Variants in LRBA observed in about 807,000 individuals in gnomAD.
The protein encoded by LRBA is lipopolysaccharide-responsive and beige-like anchor protein.
A neutral mutation model predicts 330.0 loss-of-function variants in LRBA; 176 were observed. The observed-to-expected ratio is 0.53, with a 90% CI of 0.47 to 0.60. The LOEUF (loss-of-function observed/expected upper bound fraction) is 0.60, where lower values mean the gene tolerates loss of function less well. Ranked by LOEUF, LRBA falls within the 20% of genes least tolerant of loss-of-function variation. LRBA has a pLI of 0.00. For missense variants in LRBA, 3,259 were observed against 3,444.8 expected (o/e 0.95, Z 1.35); for synonymous variants, 1,230 against 1,193.0 (o/e 1.03, Z -0.64).
intron 36 of LRBA, among the ~76,000 whole-genome samples, chr4:150,712,171 C>G (rs1409384623): frequency 2.6e-5 from 4 of 152,104 alleles, no homozygotes; most frequent in African/African-American, 7.2e-5. Context: ...ATCTGTAAAA[C>G]AGAGATAATA....
At position 150,908,453 on chromosome 4, in the gene LRBA, A is replaced by G; in HGVS notation, c.1374T>C (p.Val458=). The G allele has an allele frequency of 1.9e-6, 3 of 1,599,340 alleles. No individual in the cohort carries two copies. The highest frequency in any genetic ancestry group is 2.6e-6 in the Non-Finnish European group (3 of 1,176,298). Residue 458 remains valine (V), a synonymous_variant, in exon 11 of 57, where the codon GTT becomes GTC. Transcript: ENST00000651943. ...TTGCACTTTGGATGGAATGTGTTAA[A>G]ACTGCCTTTACATCCTTGTAAGATC... The part of the protein sequence containing the change: ...HALMLQDVKA[V]LTHSIQSAMH...
At chr4:150,292,026 A>C (rs899639596) in intron 53 of LRBA, among the ~76,000 whole-genome samples, 1 of 152,212 alleles carries the variant, frequency 6.6e-6, no homozygotes. Context: ...TGAACAATGG[A>C]CTTATGTTTT....
chr4:150,942,461 AC>A (rs1475719850), intron 2 of LRBA, among the ~76,000 whole-genome samples: 2 of 152,142 alleles, frequency 1.3e-5, no homozygotes, highest in African/African-American at 2.4e-5. Flanking sequence ...CTCTCTGAGA[AC>A]CATTTTGACC....
chr4:150,889,361 G>A (rs1729246176), intron 17 of LRBA, among the ~76,000 whole-genome samples: 2 of 151,928 alleles, frequency 1.3e-5, no homozygotes, highest in Admixed American at 1.3e-4. Flanking sequence ...AACACTTTCA[G>A]GCCAGGTGCA....
intron 35 of LRBA, among the ~76,000 whole-genome samples, chr4:150,736,124 C>T (rs551654422): frequency 6.6e-6 from 1 of 152,176 alleles, no homozygotes; most frequent in Non-Finnish European, 1.5e-5. Flanking sequence ...CTCACAAGAA[C>T]TTAAAAATAA....
chr4:150,696,526 C>T (rs370561452), intron 36 of LRBA, among the ~76,000 whole-genome samples: 85 of 152,228 alleles, frequency 5.6e-4, no homozygotes, highest in African/African-American at 2.0e-3. Flanking sequence ...AAAGGTAACA[C>T]CTAACATTTA....
chr4:150,771,771 T>C (rs748004918), intron 34 of LRBA, among the ~76,000 whole-genome samples: 6 of 152,174 alleles, frequency 3.9e-5, no homozygotes, highest in Non-Finnish European at 7.4e-5. Context: ...TTCAGGTTGC[T>C]GAGTCCTTGG....
rs1561457806 is a variant in LRBA at position 150,639,809 on chromosome 4, GTGTGTGTGTGTATATA to G, written c.5922-40694_5922-40679del. 5.4e-3 allele frequency among the ~76,000 whole-genome samples: 33 copies of G among 6,116 alleles called. 1 individual carries two copies. The highest frequency in any genetic ancestry group is 0.016 in the South Asian group (2 of 124). The allele number at this position is 6,116 out of a possible 152,430, so 4.0% of individuals were successfully genotyped here. A position where few individuals can be genotyped will look rare whatever the true frequency, so the allele number is the denominator to read the frequency against. The stretch of plus-strand genomic sequence containing the variant: ...TGTGTGTGTATATATATATATATGT[GTGTGTGTGTGTATATA>G]TATATATATATATATATATATATAT... On this transcript the variant is annotated intron_variant, in intron 37 of 56. Coordinates refer to ENST00000651943, the MANE Select transcript of LRBA (RefSeq NM_001364905.1).
intron 36 of LRBA, among the ~76,000 whole-genome samples, chr4:150,711,396 C>T (rs891926899): frequency 1.4e-4 from 21 of 152,108 alleles, no homozygotes; most frequent in African/African-American, 4.3e-4. Context: ...CCACCACACC[C>T]AGCTAATTTT....
chr4:150,549,794 T>C (rs1766354251), intron 40 of LRBA, among the ~76,000 whole-genome samples: 1 of 152,260 alleles, frequency 6.6e-6, no homozygotes, highest in Non-Finnish European at 1.5e-5. Context: ...CAGTTGAAGC[T>C]GAAGAAAGCT....
At chr4:150,476,267 A>G (rs182514219) in intron 42 of LRBA, among the ~76,000 whole-genome samples, 14 of 152,320 alleles carry the variant, frequency 9.2e-5, no homozygotes, top group Admixed American at 9.2e-4. Flanking sequence ...CTTTAGCTGC[A>G]TCTCATATAT....
intron 2 of LRBA, among the ~76,000 whole-genome samples, chr4:150,999,588 C>G (rs1489497526): frequency 6.6e-6 from 1 of 151,784 alleles, no homozygotes; most frequent in Non-Finnish European, 1.5e-5. Flanking sequence ...TAAGTTTCCT[C>G]TAAGATAGTA....
At chr4:150,499,138 A>T (rs1014022827) in intron 40 of LRBA, among the ~76,000 whole-genome samples, 1 of 152,162 alleles carries the variant, frequency 6.6e-6, no homozygotes, top group African/African-American at 2.4e-5. Flanking sequence ...CTATACTCAA[A>T]ATAATTTTTG....
intron 36 of LRBA, among the ~76,000 whole-genome samples, chr4:150,704,791 C>T (rs943702593): frequency 6.6e-6 from 1 of 151,868 alleles, no homozygotes; most frequent in South Asian, 2.1e-4. Context: ...TAGCATCAAC[C>T]AAGCCATGAA....
intron 37 of LRBA, among the ~76,000 whole-genome samples, chr4:150,639,653 C>T (rs913361946): frequency 1.0e-4 from 14 of 139,622 alleles, no homozygotes; most frequent in African/African-American, 3.7e-4. Flanking sequence ...TAATAATGGT[C>T]CTAGATCCTA....
At chr4:150,306,824 A>G (rs892583964) in intron 52 of LRBA, among the ~76,000 whole-genome samples, 4 of 152,180 alleles carry the variant, frequency 2.6e-5, no homozygotes, top group Non-Finnish European at 4.4e-5. Context: ...CTATGATCAC[A>G]AAGTGTGCTA....
At chr4:150,889,680 C>G (rs1256724125) in intron 17 of LRBA, among the ~76,000 whole-genome samples, 1 of 152,128 alleles carries the variant, frequency 6.6e-6, no homozygotes, top group Non-Finnish European at 1.5e-5. Flanking sequence ...CACCCCCAAC[C>G]CCAGTTTGTG....
intron 53 of LRBA, among the ~76,000 whole-genome samples, chr4:150,293,830 T>C (rs1728634500): frequency 2.6e-5 from 4 of 152,236 alleles, no homozygotes. Context: ...GTCTACTCGG[T>C]GTGAAGACAA....
chr4:150,471,407 C>A (rs1468752870), intron 43 of LRBA, among the ~76,000 whole-genome samples: 1 of 152,278 alleles, frequency 6.6e-6, no homozygotes, highest in Non-Finnish European at 1.5e-5. Flanking sequence ...GAATCTATAT[C>A]CCCTTGCTCT....
Sources: gnomAD v4.1 joint callset for allele counts (sites outside exome capture counted in the v4.1 genomes callset) on GRCh38, gnomAD v4.1.1 for gene constraint, MANE v1.5 for transcripts, NCBI Gene and HGNC (gene_info 2026-07-23, HGNC 2026-07-21) for gene names.